The following TBC1D7 variants were observed in gnomAD, a reference collection of about 807,000 sequenced individuals.
TBC1D7 encodes the protein TBC domain family 7.
Under a neutral mutation model 35.3 loss-of-function variants are expected in TBC1D7, and 33 were observed. The ratio of observed to expected loss-of-function variants is 0.93; its 90% confidence interval spans 0.71 to 1.25. The LOEUF is 1.25. TBC1D7 is among the 50% of genes most tolerant of loss of function. The probability of loss-of-function intolerance (pLI) is 0.00; values close to 1 mark genes in which losing one functional copy is unlikely to be tolerated. For missense variants in TBC1D7, 362 were observed against 365.3 expected, an observed-to-expected ratio of 0.99 and a Z score of 0.07; for synonymous variants, 135 against 129.5, an observed-to-expected ratio of 1.04 and a Z score of -0.29.
chr6:13,312,663 G>C (rs1332899800), intron 5 of TBC1D7, among the ~76,000 whole-genome samples: 1 of 146,822 alleles, frequency 6.8e-6, no homozygotes, highest in Non-Finnish European at 1.5e-5. Flanking sequence ...CTGCACTCCA[G>C]CCTGGGTGAC....
intron 1 of TBC1D7, among the ~76,000 whole-genome samples, chr6:13,327,502 C>A (rs1241957861): frequency 6.6e-6 from 1 of 152,072 alleles, no homozygotes; most frequent in Non-Finnish European, 1.5e-5. Flanking sequence ...TAAAAAGCCA[C>A]GAGTTCCTCA....
chr6:13,324,954 G>A, intron 3 of TBC1D7, 140 bp downstream of exon 3: 1 of 592,050 alleles, frequency 1.7e-6, no homozygotes, highest in Non-Finnish European at 3.0e-6. Flanking sequence ...AATAATGAGT[G>A]GTAATTGAAC....
intron 4 of TBC1D7, chr6:13,320,399 C>G (rs1368483428): frequency 3.5e-6 from 1 of 287,722 alleles, no homozygotes; most frequent in African/African-American, 2.3e-5. Flanking sequence ...GAAGTGTACA[C>G]TGAAGGAATC....
Position 13,321,075 on chromosome 6 carries a change from C to A in TBC1D7, c.214G>T (p.Glu72Ter). 1 of 1,612,938 alleles carries A rather than the reference C, an allele frequency of 6.2e-7. No homozygotes were observed. Among genetic ancestry groups the A allele is most frequent in the South Asian group, 1.1e-5 (1 of 90,994 alleles). Reference sequence around the variant, plus strand: ...TACATCATCACCTTGGCATGGGACTCGTGGTGTGGAGGCAAGATTCCTAGA... The same window carrying A: ...TACATCATCACCTTGGCATGGGACTAGTGGTGTGGAGGCAAGATTCCTAGA... ...VLLGILPPHH[E>*]SHAKVMMYRK... Residue 72 changes from glutamate to a stop codon, truncating the protein, a stop_gained, in exon 4 of 8, where the codon GAG becomes TAG. Coordinates refer to ENST00000379300, the MANE Select transcript of TBC1D7 (RefSeq NM_016495.6). LOFTEE classifies it high-confidence loss of function.
intron 4 of TBC1D7, among the ~76,000 whole-genome samples, chr6:13,316,986 C>T (rs1228605376): frequency 6.6e-6 from 1 of 152,162 alleles, no homozygotes; most frequent in East Asian, 1.9e-4. Context: ...ACAGAGTCAA[C>T]ATAAATCATA....
chr6:13,321,589 T>C lies in TBC1D7; in HGVS notation c.194-494A>G, dbSNP rs183877499. Among the ~76,000 whole-genome samples the C allele has an allele frequency of 8.5e-3, 1,297 of 152,358 alleles. 10 individuals are homozygous for C. The highest frequency in any genetic ancestry group is 0.014 in the Non-Finnish European group (980 of 68,032). On this transcript the variant is annotated intron_variant, in intron 3 of 7. Transcript: ENST00000379300. ...AGGTCACAAAAGTCCTTAATCTTCA[T>C]TGGTGAGGTCACCTTACAGGACATT...
rs1782811722 is a variant in TBC1D7 at position 13,306,431 on chromosome 6, G to A, written c.762C>T (p.Asn254=). The A allele has an allele frequency of 4.4e-6, 7 of 1,607,382 alleles. No individual in the cohort carries two copies. The highest frequency in any genetic ancestry group is 5.9e-6 in the Non-Finnish European group (7 of 1,177,954). ...LTFKIKVMAL[N]SAEKITKFLE... ...GAAACTTTGTTATCTTCTCTGCACT[G>A]TTCAGTGCCATAACTTTTATTTTAA... Residue 254 remains asparagine, a synonymous_variant, in exon 7 of 8, where the codon AAC becomes AAT. Transcript: ENST00000379300.
chr6:13,316,191 C>A (rs567481784), intron 5 of TBC1D7, among the ~76,000 whole-genome samples: 1 of 152,190 alleles, frequency 6.6e-6, no homozygotes, highest in Non-Finnish European at 1.5e-5. Context: ...CCATTATATG[C>A]AGCCAAATGA....
chr6:13,315,529 C>T (rs1327304887), intron 5 of TBC1D7, among the ~76,000 whole-genome samples: 1 of 152,114 alleles, frequency 6.6e-6, no homozygotes, highest in Non-Finnish European at 1.5e-5. Flanking sequence ...GCCTGACCAA[C>T]ACGATGCAAC....
At chr6:13,317,439 T>C (rs1480921660) in intron 4 of TBC1D7, among the ~76,000 whole-genome samples, 1 of 152,222 alleles carries the variant, frequency 6.6e-6, no homozygotes, top group Non-Finnish European at 1.5e-5. Flanking sequence ...TGAAGGATTT[T>C]AATGTTAAAA....
At chr6:13,319,038 T>G (rs761004493) in intron 4 of TBC1D7, 4 of 152,174 alleles carry the variant, frequency 2.6e-5, no homozygotes, top group African/African-American at 7.2e-5. Flanking sequence ...CATACTTCTG[T>G]GATATTCCTG....
rs370098166 is a variant in TBC1D7, at chr6:13,326,973, A to G, written c.-8-67T>C. ...AAGGGGAAAAGTGAGTCTAGAAACAAAGAGTCAAGAATTAGAATAATTTTC... is the reference window on the plus strand; with the variant it reads ...AAGGGGAAAAGTGAGTCTAGAAACAGAGAGTCAAGAATTAGAATAATTTTC... On this transcript the variant is annotated intron_variant, in intron 1 of 7. Coordinates refer to ENST00000379300, the MANE Select transcript of TBC1D7 (RefSeq NM_016495.6). 9.9e-5 allele frequency: 85 copies of G among 856,104 alleles called. No homozygotes were observed. The African/African-American group carries it at 1.3e-3, about 13-fold the overall frequency. 53.0% of individuals were successfully genotyped at this position (856,104 alleles called of 1,614,324 possible). A position where few individuals can be genotyped will look rare whatever the true frequency, so the allele number is the denominator to read the frequency against.
At chr6:13,313,125 T>C (rs1783349634) in intron 5 of TBC1D7, among the ~76,000 whole-genome samples, 1 of 152,226 alleles carries the variant, frequency 6.6e-6, no homozygotes, top group African/African-American at 2.4e-5. Context: ...CAAATACTAT[T>C]TGCAAGTCCC....
chr6:13,320,624 A>G lies in TBC1D7; in HGVS notation c.381+284T>C, dbSNP rs377468626. 1.3e-5 allele frequency: 8 copies of G among 600,518 alleles called. No individual in the cohort carries two copies. The African/African-American group carries it at 1.5e-4, about 11-fold the overall frequency. 37.2% of individuals were successfully genotyped at this position (600,518 alleles called of 1,614,324 possible). A position where few individuals can be genotyped will look rare whatever the true frequency, so the allele number is the denominator to read the frequency against. On this transcript the variant is annotated intron_variant, in intron 4 of 7. Coordinates refer to ENST00000379300, the MANE Select transcript of TBC1D7 (RefSeq NM_016495.6). ...AAAGTTGCATAATGTTAACAACTGG[A>G]GAATCTGGGTAAAGGGTATATGCAA...
intron 5 of TBC1D7, among the ~76,000 whole-genome samples, chr6:13,308,453 T>C (rs1368367720): frequency 6.6e-6 from 1 of 151,786 alleles, no homozygotes; most frequent in Non-Finnish European, 1.5e-5. Context: ...GTAGCCTCTC[T>C]CATGAGGTCA....
chr6:13,305,106 T>C lies in TBC1D7; in HGVS notation c.877A>G (p.Ser293Gly), dbSNP rs756287501. The C allele has an allele frequency of 6.2e-7, 1 of 1,611,406 alleles. No homozygotes were observed. The highest frequency in any genetic ancestry group is 1.3e-5 in the African/African-American group (1 of 74,772). Residue 293 changes from serine (S) to glycine (G), a missense_variant, in exon 8 of 8, where the codon AGC becomes GGC. Coordinates refer to ENST00000379300, the MANE Select transcript of TBC1D7 (RefSeq NM_016495.6). ...TCCACAACCAGCGGGTGCGTTCAGCTTGAATGGACCGGGGTCCCACAGTGT... is the reference window on the plus strand; with the variant it reads ...TCCACAACCAGCGGGTGCGTTCAGCCTGAATGGACCGGGGTCCCACAGTGT... ...HKHCGTPVHS[S>G]
intron 6 of TBC1D7, 105 bp downstream of exon 6, chr6:13,307,495 T>G: frequency 8.8e-7 from 1 of 1,135,492 alleles, no homozygotes; most frequent in African/African-American, 1.5e-5. Flanking sequence ...TTCAAATTAC[T>G]GTATTGTTCT....
intron 6 of TBC1D7, 46 bp from the exon 7 acceptor site, chr6:13,306,573 T>C (rs771869665): frequency 2.0e-6 from 3 of 1,463,720 alleles, no homozygotes; most frequent in Non-Finnish European, 2.7e-6. Context: ...GTTTCAGAAT[T>C]ATGTTTAGCC....
rs146269689 is a variant in TBC1D7 at position 13,326,872 on chromosome 6, A to G, written c.27T>C (p.Phe9=). MTEDSQRN[F]RSVYYEKVGF... ...CCACTTTCTCATAATATACTGAACGAAAGTTTCTCTGAGAGTCCTCAGTCA... is the reference window on the plus strand; with the variant it reads ...CCACTTTCTCATAATATACTGAACGGAAGTTTCTCTGAGAGTCCTCAGTCA... Residue 9 remains phenylalanine, a synonymous_variant, in exon 2 of 8, where the codon TTT becomes TTC. Coordinates refer to ENST00000379300, the MANE Select transcript of TBC1D7 (RefSeq NM_016495.6). 48 of 1,611,128 alleles carry G rather than the reference A, an allele frequency of 3.0e-5. No homozygotes were observed. The highest frequency in any genetic ancestry group is 1.1e-5 in the Non-Finnish European group (13 of 1,178,828).
Sources: allele counts gnomAD v4.1 joint callset (sites outside exome capture counted in the v4.1 genomes callset), GRCh38; gene constraint gnomAD v4.1.1; transcripts MANE v1.5; gene names NCBI Gene and HGNC (gene_info 2026-07-23, HGNC 2026-07-21).